The following PLXDC1 variants were observed in gnomAD, a reference collection of about 807,000 sequenced individuals.
PLXDC1 encodes plexin domain containing 1.
In PLXDC1, 39 loss-of-function variants were observed where a neutral mutation model predicts 61.3. The ratio of observed to expected loss-of-function variants is 0.64; its 90% CI spans 0.49 to 0.83. The LOEUF (loss-of-function observed/expected upper bound fraction) is 0.83. PLXDC1 is among the 40% of genes least tolerant of loss of function. The probability of loss-of-function intolerance (pLI) is 0.00; values close to 1 mark genes in which losing one functional copy is unlikely to be tolerated. For synonymous variants in PLXDC1, 212 were observed against 254.5 expected, an observed-to-expected ratio of 0.83 and a Z score of 1.59; for missense variants, 596 against 666.5, an observed-to-expected ratio of 0.89 and a Z score of 1.17.
chr17:39,083,592 C>A, intron 8 of PLXDC1, 52 bp from the exon 9 acceptor site: 1 of 1,347,394 alleles, frequency 7.4e-7, no homozygotes, highest in Non-Finnish European at 1.0e-6. Context: ...CCTTGGGCTC[C>A]AAAGGGTGCA....
chr17:39,088,500 A>T (rs746436334), intron 7 of PLXDC1, among the ~76,000 whole-genome samples: 18 of 152,184 alleles, frequency 1.2e-4, no homozygotes, highest in Non-Finnish European at 2.5e-4. Context: ...AACACCTACC[A>T]CAACACCCTT....
intron 2 of PLXDC1, among the ~76,000 whole-genome samples, chr17:39,122,111 A>AAAG (rs1491196046): frequency 7.4e-5 from 3 of 40,310 alleles, no homozygotes; most frequent in Admixed American, 2.2e-4. Flanking sequence ...AAAAAAAAAA[A>AAAG]GGGGGGGGGG....
rs765774886 is a variant in PLXDC1, at chr17:39,086,859, C to CAAAAAA, written c.907+742_907+747dup. Among the ~76,000 whole-genome samples, 31 of 71,444 alleles carry CAAAAAA rather than the reference C, an allele frequency of 4.3e-4. 2 individuals carry two copies. The highest frequency in any genetic ancestry group is 6.2e-4 in the African/African-American group (11 of 17,616). The allele number at this position is 71,444 out of a possible 152,430, so 46.9% of individuals were successfully genotyped here. On this transcript the variant is annotated intron_variant, in intron 8 of 13. Coordinates refer to ENST00000315392, the MANE Select transcript of PLXDC1 (RefSeq NM_020405.5). ...CCTGGGCAACAGAGTGAGACTGTCT[C>CAAAAAA]AAAAAAAAAAAAAAAAAAAAAGAAG...
rs573309269 is a variant in PLXDC1, at chr17:39,150,771, G to A, written c.76+591C>T. Among the ~76,000 whole-genome samples the A allele has an allele frequency of 3.9e-5, 6 of 152,288 alleles. No homozygotes were observed. The East Asian group carries it at 1.2e-3, about 29-fold the overall frequency. Reference sequence around the variant, plus strand: ...TGTGAGGAGGGGGACTCTTGAGGCTGGGGGTGCAGAAGCAGCAAGTTGCTT... The same window carrying A: ...TGTGAGGAGGGGGACTCTTGAGGCTAGGGGTGCAGAAGCAGCAAGTTGCTT... On this transcript the variant is annotated intron_variant, in intron 1 of 13. Coordinates refer to ENST00000315392, the MANE Select transcript of PLXDC1 (RefSeq NM_020405.5).
chr17:39,097,629 T>A (rs1261966854), intron 7 of PLXDC1, among the ~76,000 whole-genome samples: 1 of 151,972 alleles, frequency 6.6e-6, no homozygotes, highest in African/African-American at 2.4e-5. Context: ...ACATCTGTAA[T>A]CCAGTGCTTT....
intron 2 of PLXDC1, among the ~76,000 whole-genome samples, chr17:39,135,287 G>A (rs1911708262): frequency 1.3e-5 from 2 of 152,228 alleles, no homozygotes; most frequent in Admixed American, 6.5e-5. Flanking sequence ...ATGTGTAGCT[G>A]CAGAGGGGAT....
At chr17:39,090,697 G>A (rs12939016) in intron 7 of PLXDC1, among the ~76,000 whole-genome samples, 1 of 152,224 alleles carries the variant, frequency 6.6e-6, no homozygotes, top group African/African-American at 2.4e-5. Context: ...CTCGAAGCAT[G>A]TGAGCCCCTT....
chr17:39,105,505 T>A (rs1194492150), intron 7 of PLXDC1, among the ~76,000 whole-genome samples: 1 of 152,094 alleles, frequency 6.6e-6, no homozygotes, highest in East Asian at 1.9e-4. Flanking sequence ...CTTTATCACC[T>A]GGAGTGGGAA....
intron 11 of PLXDC1, 34 bp downstream of exon 11, chr17:39,077,876 GCCT>G (rs1182393407): frequency 6.2e-7 from 1 of 1,611,542 alleles, no homozygotes; most frequent in Non-Finnish European, 8.5e-7. Flanking sequence ...CTCCTTCCTG[GCCT>G]CCTCTCTGCT....
At chr17:39,098,649 G>A (rs1362111463) in intron 7 of PLXDC1, among the ~76,000 whole-genome samples, 3 of 152,138 alleles carry the variant, frequency 2.0e-5, no homozygotes, top group Non-Finnish European at 2.9e-5. Context: ...GCGAAGTGCC[G>A]GGGGGAAGAA....
intron 2 of PLXDC1, among the ~76,000 whole-genome samples, chr17:39,134,994 CA>C (rs914063956): frequency 4.6e-5 from 7 of 152,204 alleles, no homozygotes; most frequent in African/African-American, 1.7e-4. Context: ...TGGGGATCCC[CA>C]AATCTTTTCC....
intron 2 of PLXDC1, among the ~76,000 whole-genome samples, chr17:39,129,253 G>A (rs548468882): frequency 5.9e-5 from 9 of 151,522 alleles, no homozygotes; most frequent in African/African-American, 2.2e-4. Context: ...AGGAGACAGA[G>A]GTTGCAGTGA....
At chr17:39,077,307 G>A (rs140912580) in intron 11 of PLXDC1, among the ~76,000 whole-genome samples, 51 of 152,288 alleles carry the variant, frequency 3.3e-4, no homozygotes, top group African/African-American at 1.2e-3. Flanking sequence ...CTGGGACACC[G>A]CCTGGTGCAT....
At chr17:39,078,961 A>G in intron 10 of PLXDC1, 143 bp downstream of exon 10, 1 of 678,696 alleles carries the variant, frequency 1.5e-6, no homozygotes, top group Admixed American at 2.2e-5. Context: ...GGCAGTCTGG[A>G]AAACAAATCT....
At chr17:39,087,832 A>G in intron 7 of PLXDC1, 130 bp from the exon 8 acceptor site, 1 of 668,886 alleles carries the variant, frequency 1.5e-6, no homozygotes, top group Non-Finnish European at 2.7e-6. Flanking sequence ...GCCTGGGACA[A>G]TGATGTTGGC....
chr17:39,087,540 T>C (rs1909787443), intron 8 of PLXDC1, 67 bp downstream of exon 8: 4 of 1,232,114 alleles, frequency 3.2e-6, no homozygotes, highest in Non-Finnish European at 4.8e-6. Flanking sequence ...GTCATGGGCC[T>C]GGGACATGAA....
intron 5 of PLXDC1, chr17:39,107,786 T>C: frequency 1.7e-6 from 1 of 574,626 alleles, no homozygotes; most frequent in East Asian, 2.9e-5. Context: ...CTATTCTGAC[T>C]CCTTGAGATA....
intron 2 of PLXDC1, among the ~76,000 whole-genome samples, chr17:39,116,195 T>C (rs528988969): frequency 1.4e-4 from 22 of 152,170 alleles, no homozygotes; most frequent in Admixed American, 8.5e-4. Context: ...TGACCTTTCC[T>C]CTATCCACTG....
chr17:39,148,848 G>C (rs181089303), intron 1 of PLXDC1, among the ~76,000 whole-genome samples: 1 of 152,166 alleles, frequency 6.6e-6, no homozygotes, highest in African/African-American at 2.4e-5. Flanking sequence ...ACAAGCATGA[G>C]CCACCGTGAC....
Sources: gnomAD v4.1 joint callset for allele counts (sites outside exome capture counted in the v4.1 genomes callset) on GRCh38, gnomAD v4.1.1 for gene constraint, MANE v1.5 for transcripts, NCBI Gene and HGNC (gene_info 2026-07-23, HGNC 2026-07-21) for gene names.